Variants in CHCHD6 observed in about 807,000 individuals in gnomAD.
The protein encoded by CHCHD6 is coiled-coil-helix-coiled-coil-helix domain containing 6.
In CHCHD6, 28 loss-of-function variants were observed where a neutral mutation model predicts 32.3. The ratio of observed to expected loss-of-function variants is 0.87; its 90% CI spans 0.64 to 1.19. The LOEUF (loss-of-function observed/expected upper bound fraction) is 1.19, where lower values mean the gene tolerates loss of function less well. Ranked by LOEUF, CHCHD6 falls within the 50% of genes most tolerant of loss-of-function variation. The probability of loss-of-function intolerance (pLI) is 0.00; values close to 1 mark genes in which losing one functional copy is unlikely to be tolerated. For missense variants in CHCHD6, 333 were observed against 307.0 expected, an observed-to-expected ratio of 1.08 and a Z score of -0.63; for synonymous variants, 122 against 117.5, an observed-to-expected ratio of 1.04 and a Z score of -0.25.
intron 4 of CHCHD6, among the ~76,000 whole-genome samples, chr3:126,791,523 C>T (rs1187759924): frequency 5.9e-5 from 9 of 152,388 alleles, no homozygotes; most frequent in East Asian, 3.9e-4. Context: ...TCAGCAATGG[C>T]GGGCGCCCCT....
Position 126,960,345 on chromosome 3 carries a change from A to G in CHCHD6, c.*144A>G. ...GCCTGGGGCTGCCACGTGTTTAGGA[A>G]ACAAAGTATGCGCTACTGTCTGAAA... On this transcript the variant is annotated 3_prime_UTR_variant, in exon 8 of 8. Coordinates refer to ENST00000290913, the MANE Select transcript of CHCHD6 (RefSeq NM_032343.3). 1 of 891,952 alleles carries G rather than the reference A, an allele frequency of 1.1e-6. No individual in the cohort carries two copies. The highest frequency in any genetic ancestry group is 2.1e-5 in the Admixed American group (1 of 47,226). 55.3% of individuals were successfully genotyped at this position (891,952 alleles called of 1,614,324 possible). A position where few individuals can be genotyped will look rare whatever the true frequency, so the allele number is the denominator to read the frequency against.
chr3:126,853,406 T>C (rs1315719546), intron 5 of CHCHD6, among the ~76,000 whole-genome samples: 1 of 152,152 alleles, frequency 6.6e-6, no homozygotes, highest in African/African-American at 2.4e-5. Flanking sequence ...AAAAAAATTG[T>C]TCCCCCTCAT....
In CHCHD6 at chr3:126,854,978, C is replaced by G. The variant is rs557633693; in HGVS notation, c.495+2248C>G. 4 of 152,314 alleles carry G rather than the reference C, an allele frequency of 2.6e-5. No individual in the cohort carries two copies. The East Asian group carries it at 5.8e-4, about 22-fold the overall frequency. 9.4% of individuals were successfully genotyped at this position (152,314 alleles called of 1,614,324 possible). A position where few individuals can be genotyped will look rare whatever the true frequency, so the allele number is the denominator to read the frequency against. ...GGAAAGCCTGCACAAAATCCAGACT[C>G]ATTTTCAAGGAGGAAGAGACTTATG... On this transcript the variant is annotated intron_variant, in intron 5 of 7. Coordinates refer to ENST00000290913, the MANE Select transcript of CHCHD6 (RefSeq NM_032343.3).
chr3:126,815,647 C>G (rs551622859), intron 4 of CHCHD6, among the ~76,000 whole-genome samples: 39 of 145,092 alleles, frequency 2.7e-4, no homozygotes, highest in East Asian at 1.7e-3. Flanking sequence ...GTTCTTGCCC[C>G]CCCCCCCCCA....
rs868302942 is a variant in CHCHD6 at position 126,815,656 on chromosome 3, C to T, written c.412-36991C>T. On this transcript the variant is annotated intron_variant, in intron 4 of 7. Coordinates refer to ENST00000290913, the MANE Select transcript of CHCHD6 (RefSeq NM_032343.3). ...CTGTGGGTTCTTGCCCCCCCCCCCC[C>T]ATCTGTGTCCACAGCCCTTGCTCCC... 3.4e-5 allele frequency among the ~76,000 whole-genome samples: 4 copies of T among 117,430 alleles called. 1 individual carries two copies. Among genetic ancestry groups the T allele is most frequent in the South Asian group, 3.2e-4 (1 of 3,118 alleles). The allele number at this position is 117,430 out of a possible 152,430, so 77.0% of individuals were successfully genotyped here.
chr3:126,757,990 C>G (rs1012390406), intron 4 of CHCHD6, among the ~76,000 whole-genome samples: 3 of 152,206 alleles, frequency 2.0e-5, no homozygotes, highest in Non-Finnish European at 4.4e-5. Flanking sequence ...TGAACCCACT[C>G]TCAGGTCTTT....
chr3:126,711,852 G>A (rs530742676), intron 1 of CHCHD6, among the ~76,000 whole-genome samples: 14 of 152,336 alleles, frequency 9.2e-5, no homozygotes, highest in African/African-American at 3.4e-4. Flanking sequence ...TCAATGAACA[G>A]TATCTGCTTC....
At chr3:126,921,490 A>G (rs918855013) in intron 6 of CHCHD6, among the ~76,000 whole-genome samples, 1 of 132,108 alleles carries the variant, frequency 7.6e-6, no homozygotes, top group Non-Finnish European at 1.7e-5. Context: ...TGTCACATCT[A>G]TTTTTTATGA....
chr3:126,947,602 A>T (rs1165292151), intron 6 of CHCHD6, among the ~76,000 whole-genome samples: 1 of 151,702 alleles, frequency 6.6e-6, no homozygotes, highest in African/African-American at 2.4e-5. Flanking sequence ...TGACTTACCA[A>T]CCCCGTCTGC....
chr3:126,840,362 G>C (rs2107546386), intron 4 of CHCHD6, among the ~76,000 whole-genome samples: 2 of 152,134 alleles, frequency 1.3e-5, no homozygotes, highest in South Asian at 4.2e-4. Flanking sequence ...CTGCATTATA[G>C]ATTTTAAAAG....
intron 4 of CHCHD6, among the ~76,000 whole-genome samples, chr3:126,818,886 T>C (rs1442990163): frequency 1.3e-5 from 2 of 152,214 alleles, no homozygotes; most frequent in Non-Finnish European, 2.9e-5. Flanking sequence ...CTGGTGGGGC[T>C]GTGGTGTGCA....
chr3:126,791,650 C>T (rs1378735240), intron 4 of CHCHD6, among the ~76,000 whole-genome samples: 1 of 152,218 alleles, frequency 6.6e-6, no homozygotes, highest in Non-Finnish European at 1.5e-5. Context: ...GCTCTTGTTG[C>T]CTGGGCTGGA....
intron 4 of CHCHD6, among the ~76,000 whole-genome samples, chr3:126,762,870 A>G (rs10755080): frequency 0.26 from 39,194 of 151,954 alleles, 6,326 homozygotes; most frequent in East Asian, 0.62. Context: ...TATTTTGCAT[A>G]TTATTATAGC....
chr3:126,813,873 G>A (rs552607747), intron 4 of CHCHD6, among the ~76,000 whole-genome samples: 168 of 152,358 alleles, frequency 1.1e-3, no homozygotes, highest in African/African-American at 3.8e-3. Flanking sequence ...GACACTAGTT[G>A]ATCGGGGGAT....
chr3:126,942,085 C>T (rs1293633637), intron 6 of CHCHD6, among the ~76,000 whole-genome samples: 1 of 151,898 alleles, frequency 6.6e-6, no homozygotes, highest in Non-Finnish European at 1.5e-5. Flanking sequence ...AGCCCTGGCC[C>T]ACCTGGTGTT....
intron 5 of CHCHD6, among the ~76,000 whole-genome samples, chr3:126,901,384 G>C (rs2077925824): frequency 6.6e-6 from 1 of 152,182 alleles, no homozygotes; most frequent in Non-Finnish European, 1.5e-5. Flanking sequence ...TTACTCATCA[G>C]TCCTGTGGCC....
intron 4 of CHCHD6, among the ~76,000 whole-genome samples, chr3:126,741,938 C>T (rs1936303238): frequency 6.6e-6 from 1 of 152,200 alleles, no homozygotes; most frequent in Non-Finnish European, 1.5e-5. Context: ...CTTTGTCTCC[C>T]TCTCCCTGAT....
At chr3:126,890,660 T>C (rs1472844494) in intron 5 of CHCHD6, among the ~76,000 whole-genome samples, 1 of 152,184 alleles carries the variant, frequency 6.6e-6, no homozygotes, top group Non-Finnish European at 1.5e-5. Context: ...TAGCCTAAAT[T>C]TAAAAGCCAC....
chr3:126,844,773 T>C (rs890932923), intron 4 of CHCHD6, among the ~76,000 whole-genome samples: 1 of 152,150 alleles, frequency 6.6e-6, no homozygotes, highest in Non-Finnish European at 1.5e-5. Flanking sequence ...GTTAAGGATA[T>C]GTGATGGGGA....
Sources: gnomAD v4.1 joint callset for allele counts (sites outside exome capture counted in the v4.1 genomes callset) on GRCh38, gnomAD v4.1.1 for gene constraint, MANE v1.5 for transcripts, NCBI Gene and HGNC (gene_info 2026-07-23, HGNC 2026-07-21) for gene names.